The following RFC3 variants were observed in gnomAD, a reference collection of about 807,000 sequenced individuals.
The protein encoded by RFC3 is replication factor C subunit 3.
A neutral mutation model predicts 45.1 loss-of-function variants in RFC3; 41 were observed. That is an observed-to-expected ratio of 0.91 (90% CI 0.71 to 1.18). The LOEUF (loss-of-function observed/expected upper bound fraction) is 1.18, where lower values mean the gene tolerates loss of function less well. RFC3 is among the 50% of genes most tolerant of loss of function. The pLI is 0.00. For missense variants in RFC3, 423 were observed against 428.1 expected (o/e 0.99, Z 0.10); for synonymous variants, 149 against 144.0 (o/e 1.03, Z -0.25).
Position 33,821,182 on chromosome 13 carries a change from T to A in RFC3, c.138T>A (p.Ala46=). Residue 46 remains alanine, a synonymous_variant, in exon 2 of 9, where the codon GCT becomes GCA. Transcript: ENST00000380071. The part of the protein sequence containing the change: ...PHLLVYGPSG[A]GKKTRIMCIL... ...TGTTAGTGTACGGACCATCAGGTGC[T>A]GGAAAAAAGACAAGAATTATGTGTA... 6.2e-7 allele frequency: 1 copy of A among 1,613,776 alleles called. No homozygotes were observed.
At chr13:33,875,069 C>G (rs1030366229) in intron 8 of RFC3, among the ~76,000 whole-genome samples, 3 of 152,212 alleles carry the variant, frequency 2.0e-5, no homozygotes, top group Non-Finnish European at 4.4e-5. Context: ...GGATGTTACT[C>G]CATACACTTA....
chr13:33,964,182 A>C (rs1299795575), intron 8 of RFC3, among the ~76,000 whole-genome samples: 1 of 152,216 alleles, frequency 6.6e-6, no homozygotes, highest in Non-Finnish European at 1.5e-5. Flanking sequence ...AACTAGTAAA[A>C]TGTGTATTTA....
intron 8 of RFC3, chr13:33,847,480 TAA>T (rs2082246549): frequency 6.6e-6 from 1 of 152,168 alleles, no homozygotes; most frequent in South Asian, 2.1e-4. Flanking sequence ...TTGCTTTTTA[TAA>T]GTTTGTTCAA....
At chr13:33,886,460 C>T (rs887910978) in intron 8 of RFC3, among the ~76,000 whole-genome samples, 16 of 151,196 alleles carry the variant, frequency 1.1e-4, no homozygotes, top group African/African-American at 3.4e-4. Context: ...GCAGGAGAAT[C>T]GCTTGAACCT....
chr13:33,947,154 T>A (rs1309844129), intron 8 of RFC3, among the ~76,000 whole-genome samples: 1 of 152,204 alleles, frequency 6.6e-6, no homozygotes, highest in Non-Finnish European at 1.5e-5. Context: ...CACTTTGAAT[T>A]GTAATAATCC....
intron 2 of RFC3, among the ~76,000 whole-genome samples, chr13:33,822,931 A>G (rs1434478017): frequency 6.6e-6 from 1 of 152,154 alleles, no homozygotes; most frequent in Admixed American, 6.5e-5. Flanking sequence ...ATTTGAAAGG[A>G]CTGTGTAAAT....
intron 8 of RFC3, among the ~76,000 whole-genome samples, chr13:33,903,338 A>C (rs2082652845): frequency 6.6e-6 from 1 of 152,120 alleles, no homozygotes. Context: ...GTCACACTCC[A>C]TTATAAGTAT....
At chr13:33,896,311 A>G (rs1288143802) in intron 8 of RFC3, among the ~76,000 whole-genome samples, 1 of 152,164 alleles carries the variant, frequency 6.6e-6, no homozygotes, top group East Asian at 1.9e-4. Flanking sequence ...ATATACAGGT[A>G]TAAGAACATC....
At chr13:33,893,055 A>G (rs2082573439) in intron 8 of RFC3, among the ~76,000 whole-genome samples, 2 of 152,186 alleles carry the variant, frequency 1.3e-5, no homozygotes, top group East Asian at 3.9e-4. Flanking sequence ...AAGGGACAAT[A>G]TCACTGAGGA....
At chr13:33,938,019 T>C (rs2082898314) in intron 8 of RFC3, among the ~76,000 whole-genome samples, 1 of 151,992 alleles carries the variant, frequency 6.6e-6, no homozygotes, top group Non-Finnish European at 1.5e-5. Context: ...AAGCACGCCA[T>C]GGGCTGAACT....
At chr13:33,882,610 G>A (rs1457244927) in intron 8 of RFC3, among the ~76,000 whole-genome samples, 2 of 152,200 alleles carry the variant, frequency 1.3e-5, no homozygotes, top group Non-Finnish European at 2.9e-5. Flanking sequence ...CCCAACAGTG[G>A]ACCTGCTAGC....
At chr13:33,958,010 T>TAA (rs1258982626) in intron 8 of RFC3, among the ~76,000 whole-genome samples, 2 of 152,120 alleles carry the variant, frequency 1.3e-5, no homozygotes, top group African/African-American at 2.4e-5. Context: ...ACGAGAGTTT[T>TAA]AAAAAAATCA....
chr13:33,941,130 TA>T (rs1194912329), intron 8 of RFC3, among the ~76,000 whole-genome samples: 1 of 152,114 alleles, frequency 6.6e-6, no homozygotes, highest in Non-Finnish European at 1.5e-5. Context: ...ATTCCTGCCT[TA>T]AGCAGGGGAG....
intron 7 of RFC3, among the ~76,000 whole-genome samples, chr13:33,834,647 A>C (rs954483358): frequency 6.6e-6 from 1 of 151,936 alleles, no homozygotes; most frequent in Non-Finnish European, 1.5e-5. Flanking sequence ...TCATGCGTAT[A>C]TTATCTTGTG....
chr13:33,952,798 C>T (rs1448906888), intron 8 of RFC3, among the ~76,000 whole-genome samples: 2 of 152,192 alleles, frequency 1.3e-5, no homozygotes, highest in African/African-American at 4.8e-5. Context: ...TTTCACTCCT[C>T]CCAAAGTATC....
intron 8 of RFC3, among the ~76,000 whole-genome samples, chr13:33,895,956 A>G (rs1415707284): frequency 1.3e-5 from 2 of 152,240 alleles, no homozygotes; most frequent in East Asian, 3.9e-4. Context: ...GAACTAACCT[A>G]TGGGTATGCA....
In RFC3 at chr13:33,886,312, CGAGG is replaced by C. The variant is rs2082522591; in HGVS notation, c.879+51096_879+51099del. Reference sequence around the variant, plus strand: ...CTGTAATCCCAGCACTTTGGGAGGCCGAGGTGGGAGGATCACAAGGTCAGGAGAC... The same window carrying C: ...CTGTAATCCCAGCACTTTGGGAGGCCTGGGAGGATCACAAGGTCAGGAGAC... On this transcript the variant is annotated intron_variant, in intron 8 of 8. Transcript: ENST00000434425. 3.3e-5 allele frequency among the ~76,000 whole-genome samples: 5 copies of C among 151,990 alleles called. No homozygotes were observed. In the South Asian group the frequency reaches 1.0e-3, roughly 32 times the overall value.
chr13:33,843,285 G>A (rs1212133991), intron 8 of RFC3, among the ~76,000 whole-genome samples: 1 of 151,244 alleles, frequency 6.6e-6, no homozygotes, highest in Non-Finnish European at 1.5e-5. Context: ...TGATTATAGT[G>A]TACAAGATTT....
chr13:33,837,549 G>A (rs180963107), downstream of RFC3: 3 of 152,094 alleles, frequency 2.0e-5, no homozygotes, highest in South Asian at 2.1e-4. Context: ...GAGTAACTAC[G>A]TAAGAGTGCA....
Sources: gnomAD v4.1 joint callset for allele counts (sites outside exome capture counted in the v4.1 genomes callset) on GRCh38, gnomAD v4.1.1 for gene constraint, MANE v1.5 for transcripts, NCBI Gene and HGNC (gene_info 2026-07-23, HGNC 2026-07-21) for gene names.